ZNF385D: variants seen among roughly 807,000 people sequenced by gnomAD.
The protein encoded by ZNF385D is zinc finger protein 659.
ZNF385D carries 15 observed loss-of-function variants against 35.8 expected under a neutral mutation model. The ratio of observed to expected loss-of-function variants is 0.42; its 90% CI spans 0.28 to 0.64. The LOEUF is 0.64. Ranked by LOEUF, ZNF385D falls within the 30% of genes least tolerant of loss-of-function variation. The pLI is 0.23. For synonymous variants in ZNF385D, 212 were observed against 186.8 expected (o/e 1.13, Z -1.10); for missense variants, 474 against 494.6 (o/e 0.96, Z 0.39).
intron 3 of ZNF385D, among the ~76,000 whole-genome samples, chr3:22,089,667 G>A (rs896178444): frequency 2.0e-5 from 3 of 152,084 alleles, no homozygotes; most frequent in Admixed American, 6.6e-5. Flanking sequence ...CTGAGTAAGG[G>A]GGGGATTTCC....
chr3:21,477,973 C>A (rs1704357403), intron 4 of ZNF385D, among the ~76,000 whole-genome samples: 1 of 152,098 alleles, frequency 6.6e-6, no homozygotes, highest in African/African-American at 2.4e-5. Flanking sequence ...GGGCATGCTT[C>A]CAGAGACAAT....
At chr3:22,077,627 T>C (rs574954888) in intron 3 of ZNF385D, among the ~76,000 whole-genome samples, 172 of 152,110 alleles carry the variant, frequency 1.1e-3, no homozygotes, top group Non-Finnish European at 1.8e-3. Context: ...AAATAAATAT[T>C]TGATGTTTTT....
intron 3 of ZNF385D, among the ~76,000 whole-genome samples, chr3:21,920,215 G>C (rs1700385576): frequency 6.6e-6 from 1 of 152,142 alleles, no homozygotes; most frequent in Admixed American, 6.5e-5. Context: ...TGATTTATGG[G>C]ACTCTGTCTC....
Position 22,198,575 on chromosome 3 carries a change from A to T in ZNF385D, c.107-29540T>A, listed in dbSNP as rs571080603. 3.9e-5 allele frequency among the ~76,000 whole-genome samples: 6 copies of T among 152,254 alleles called. No homozygotes were observed. The East Asian group carries it at 1.2e-3, about 29-fold the overall frequency. ...AAAGCAAGAACATTTTGAAAAATTT[A>T]TCTCAACCAAAACCTGGCCTCGACA... On this transcript the variant is annotated intron_variant, in intron 2 of 5. Transcript: ENST00000494108.
chr3:21,522,416 C>T (rs1707964427), intron 3 of ZNF385D, among the ~76,000 whole-genome samples: 1 of 152,106 alleles, frequency 6.6e-6, no homozygotes, highest in Admixed American at 6.6e-5. Flanking sequence ...TGGCTCATCA[C>T]AGCAACTCCG....
At chr3:22,233,820 G>A (rs1189974538) in intron 2 of ZNF385D, among the ~76,000 whole-genome samples, 1 of 151,924 alleles carries the variant, frequency 6.6e-6, no homozygotes, top group Non-Finnish European at 1.5e-5. Context: ...TCTTACTCCT[G>A]TACTCATATT....
chr3:22,343,817 C>G (rs556816883), intron 2 of ZNF385D, among the ~76,000 whole-genome samples: 1 of 152,186 alleles, frequency 6.6e-6, no homozygotes, highest in East Asian at 1.9e-4. Context: ...ACATTCAGTG[C>G]CCCTTGTACA....
intron 3 of ZNF385D, among the ~76,000 whole-genome samples, chr3:21,978,779 G>C (rs1342287667): frequency 1.3e-5 from 2 of 152,194 alleles, no homozygotes; most frequent in African/African-American, 4.8e-5. Flanking sequence ...AGCAAGGCTA[G>C]ATGGCATGTG....
intron 3 of ZNF385D, among the ~76,000 whole-genome samples, chr3:22,062,185 C>A (rs1699724105): frequency 1.3e-5 from 2 of 152,008 alleles, no homozygotes; most frequent in South Asian, 4.2e-4. Flanking sequence ...CTACCCGGGA[C>A]TACAGGCAAG....
chr3:21,593,054 C>T (rs1219375440), intron 2 of ZNF385D, among the ~76,000 whole-genome samples: 1 of 152,134 alleles, frequency 6.6e-6, no homozygotes, highest in East Asian at 1.9e-4. Context: ...ACATCTACAG[C>T]CACCCGGGAA....
At chr3:21,684,983 G>A (rs1232439320) in intron 1 of ZNF385D, among the ~76,000 whole-genome samples, 1 of 152,118 alleles carries the variant, frequency 6.6e-6, no homozygotes, top group Non-Finnish European at 1.5e-5. Context: ...TAATGCTTTA[G>A]AGCAGTTAGC....
intron 2 of ZNF385D, among the ~76,000 whole-genome samples, chr3:22,369,638 T>C (rs1334890724): frequency 6.6e-6 from 1 of 152,190 alleles, no homozygotes; most frequent in Non-Finnish European, 1.5e-5. Context: ...TTAATAGCAT[T>C]AGCATCCCAA....
At chr3:22,271,351 T>G (rs186296745) in intron 2 of ZNF385D, among the ~76,000 whole-genome samples, 2 of 152,028 alleles carry the variant, frequency 1.3e-5, no homozygotes, top group Non-Finnish European at 2.9e-5. Context: ...AAGTTTTCTA[T>G]ACAGACTTTT....
At chr3:21,644,662 A>G (rs1377204279) in intron 2 of ZNF385D, among the ~76,000 whole-genome samples, 1 of 152,208 alleles carries the variant, frequency 6.6e-6, no homozygotes, top group Non-Finnish European at 1.5e-5. Flanking sequence ...AAGACTGAAC[A>G]CAATTAAAAT....
intron 2 of ZNF385D, among the ~76,000 whole-genome samples, chr3:21,653,366 C>T (rs541921324): frequency 8.0e-4 from 121 of 151,548 alleles, no homozygotes; most frequent in Non-Finnish European, 1.3e-3. Context: ...TTTTTTGCTA[C>T]TAAAAACAAA....
intron 3 of ZNF385D, among the ~76,000 whole-genome samples, chr3:21,941,658 C>G (rs1357397286): frequency 6.6e-6 from 1 of 151,846 alleles, no homozygotes; most frequent in Non-Finnish European, 1.5e-5. Context: ...CCACCACGTC[C>G]GGATAATTTT....
intron 2 of ZNF385D, among the ~76,000 whole-genome samples, chr3:22,256,164 T>C (rs1700304144): frequency 6.6e-6 from 1 of 151,078 alleles, no homozygotes; most frequent in South Asian, 2.1e-4. Flanking sequence ...TTCGTCAGCA[T>C]ATATATACAT....
chr3:21,605,252 T>C (rs2064442458), intron 2 of ZNF385D, among the ~76,000 whole-genome samples: 2 of 152,112 alleles, frequency 1.3e-5, no homozygotes, highest in Non-Finnish European at 2.9e-5. Flanking sequence ...ACAAGATATG[T>C]GAGCCCCACT....
intron 3 of ZNF385D, among the ~76,000 whole-genome samples, chr3:21,533,262 G>A (rs192878744): frequency 4.4e-4 from 67 of 151,858 alleles, no homozygotes; most frequent in Admixed American, 1.6e-3. Flanking sequence ...TCATTGGCCC[G>A]TCGAATGAAC....
Sources: gnomAD v4.1 joint callset for allele counts (sites outside exome capture counted in the v4.1 genomes callset) on GRCh38, gnomAD v4.1.1 for gene constraint, MANE v1.5 for transcripts, NCBI Gene and HGNC (gene_info 2026-07-23, HGNC 2026-07-21) for gene names.